Variants in THSD4 observed in about 807,000 individuals in gnomAD.
THSD4 encodes the protein thrombospondin type-1 domain-containing protein 4.
THSD4 carries 69 observed loss-of-function variants against 119.0 expected under a neutral mutation model. The ratio of observed to expected loss-of-function variants is 0.58; its 90% CI spans 0.48 to 0.71. THSD4 has a LOEUF of 0.71. Ranked by LOEUF, THSD4 falls within the 30% of genes least tolerant of loss-of-function variation. The pLI is 0.00. For missense variants in THSD4, 1,393 were observed against 1,391.1 expected, an observed-to-expected ratio of 1.00 and a Z score of -0.02; for synonymous variants, 524 against 540.4, an observed-to-expected ratio of 0.97 and a Z score of 0.42.
At chr15:71,168,616 G>A (rs2043319179) in intron 3 of THSD4, among the ~76,000 whole-genome samples, 1 of 152,108 alleles carries the variant, frequency 6.6e-6, no homozygotes, top group Admixed American at 6.5e-5. Flanking sequence ...GTAAGGGTGA[G>A]GTAAAATATT....
chr15:71,366,383 G>A (rs1404567686), intron 6 of THSD4, among the ~76,000 whole-genome samples: 1 of 152,092 alleles, frequency 6.6e-6, no homozygotes, highest in African/African-American at 2.4e-5. Context: ...TACTCTGCTG[G>A]GTATAGGGAG....
chr15:71,354,084 C>T lies in THSD4; in HGVS notation c.1016-57603C>T, dbSNP rs534534287. 7.9e-5 allele frequency among the ~76,000 whole-genome samples: 12 copies of T among 152,242 alleles called. No individual in the cohort carries two copies. The South Asian group carries it at 2.5e-3, about 32-fold the overall frequency. ...GGCCGGGGTGGGAGGATTGCTTGAGCCCAAGAGTTCCAGACCAGCCTAGGC... is the reference window on the plus strand; with the variant it reads ...GGCCGGGGTGGGAGGATTGCTTGAGTCCAAGAGTTCCAGACCAGCCTAGGC... On this transcript the variant is annotated intron_variant, in intron 6 of 17. Transcript: ENST00000261862.
At chr15:71,322,708 G>C (rs1046280221) in intron 6 of THSD4, among the ~76,000 whole-genome samples, 11 of 152,138 alleles carry the variant, frequency 7.2e-5, no homozygotes, top group African/African-American at 2.4e-4. Context: ...GCTGTGGGCA[G>C]GAGGCCTTAG....
chr15:71,203,625 T>C lies in THSD4; in HGVS notation c.100-11410T>C, dbSNP rs186504079. Reference sequence around the variant, plus strand: ...AGGTTGCAGTGAGCCGAGATTGTGCTACAGTGCTCCAGCCTGGGCGACAGA... The same window carrying C: ...AGGTTGCAGTGAGCCGAGATTGTGCCACAGTGCTCCAGCCTGGGCGACAGA... On this transcript the variant is annotated intron_variant, in intron 3 of 17. Coordinates refer to ENST00000261862, the MANE Select transcript of THSD4 (RefSeq NM_024817.3). Among the ~76,000 whole-genome samples, 19 of 152,266 alleles carry C rather than the reference T, an allele frequency of 1.2e-4. No homozygotes were observed. The East Asian group carries it at 2.7e-3, about 22-fold the overall frequency.
At chr15:71,333,977 G>T (rs1318656801) in intron 6 of THSD4, among the ~76,000 whole-genome samples, 1 of 152,168 alleles carries the variant, frequency 6.6e-6, no homozygotes, top group Non-Finnish European at 1.5e-5. Context: ...GGAATTCAGA[G>T]ATGAGTAAGA....
Position 71,218,756 on chromosome 15 carries a change from A to G in THSD4, c.464+3357A>G, listed in dbSNP as rs114547921. Reference sequence around the variant, plus strand: ...TATTTTCAGGATGGCTGTCCGCTCCACTCTCTGTTTCAGGTTTGAAGTTTG... The same window carrying G: ...TATTTTCAGGATGGCTGTCCGCTCCGCTCTCTGTTTCAGGTTTGAAGTTTG... On this transcript the variant is annotated intron_variant, in intron 4 of 17. Coordinates refer to ENST00000261862, the MANE Select transcript of THSD4 (RefSeq NM_024817.3). Among the ~76,000 whole-genome samples the G allele has an allele frequency of 8.6e-3, 1,305 of 152,240 alleles. 27 individuals are homozygous for G. Among genetic ancestry groups the G allele is most frequent in the African/African-American group, 0.028 (1,182 of 41,534 alleles).
At chr15:71,376,311 T>G (rs1293910876) in intron 6 of THSD4, among the ~76,000 whole-genome samples, 1 of 152,156 alleles carries the variant, frequency 6.6e-6, no homozygotes, top group Non-Finnish European at 1.5e-5. Flanking sequence ...TGCTCTGAAT[T>G]TTTAGGACCC....
chr15:71,601,434 G>T (rs2050009626), intron 7 of THSD4, among the ~76,000 whole-genome samples: 1 of 152,164 alleles, frequency 6.6e-6, no homozygotes. Context: ...AAGACAAGGG[G>T]GCAGAAAACT....
intron 6 of THSD4, among the ~76,000 whole-genome samples, chr15:71,296,009 C>A (rs2044857674): frequency 6.6e-6 from 1 of 152,166 alleles, no homozygotes; most frequent in Non-Finnish European, 1.5e-5. Context: ...CTTTCTATTG[C>A]TCAATAATAT....
chr15:71,354,733 A>T (rs1445678988), intron 6 of THSD4, among the ~76,000 whole-genome samples: 1 of 152,178 alleles, frequency 6.6e-6, no homozygotes, highest in African/African-American at 2.4e-5. Context: ...ATGCCACATG[A>T]CCTCTTCAGG....
intron 6 of THSD4, among the ~76,000 whole-genome samples, chr15:71,366,539 C>T (rs1186574741): frequency 6.6e-6 from 1 of 152,142 alleles, no homozygotes; most frequent in Non-Finnish European, 1.5e-5. Flanking sequence ...AACTATATTT[C>T]CCATGACAAC....
chr15:71,600,607 G>A (rs1280210938), intron 7 of THSD4, among the ~76,000 whole-genome samples: 1 of 152,184 alleles, frequency 6.6e-6, no homozygotes, highest in African/African-American at 2.4e-5. Flanking sequence ...CAGTGATGAT[G>A]ATGACAATGA....
intron 11 of THSD4, among the ~76,000 whole-genome samples, chr15:71,740,532 G>A (rs1405680514): frequency 6.6e-6 from 1 of 152,156 alleles, no homozygotes; most frequent in East Asian, 1.9e-4. Flanking sequence ...CATAGGCCTT[G>A]TGTTGTGAGC....
At chr15:71,547,179 C>T in intron 7 of THSD4, 2 of 1,315,068 alleles carry the variant, frequency 1.5e-6, no homozygotes. Flanking sequence ...GGCTCCTGTC[C>T]CCTCCCCCAG....
intron 6 of THSD4, among the ~76,000 whole-genome samples, chr15:71,344,140 G>A (rs1431815543): frequency 2.7e-5 from 4 of 150,204 alleles, no homozygotes; most frequent in African/African-American, 7.4e-5. Flanking sequence ...CCAGGTTCAC[G>A]CCATTCTCCT....
chr15:71,144,354 T>C (rs540415234), intron 2 of THSD4, among the ~76,000 whole-genome samples: 1 of 152,234 alleles, frequency 6.6e-6, no homozygotes, highest in South Asian at 2.1e-4. Flanking sequence ...CAGAATGTTA[T>C]GGGGAAAAGG....
At chr15:71,289,632 G>GATTATTAT (rs2044764733) in intron 6 of THSD4, among the ~76,000 whole-genome samples, 1 of 152,108 alleles carries the variant, frequency 6.6e-6, no homozygotes, top group African/African-American at 2.4e-5. Context: ...TTTGTAATTC[G>GATTATTAT]ATTATTATAA....
intron 7 of THSD4, among the ~76,000 whole-genome samples, chr15:71,453,373 C>T (rs575593205): frequency 2.0e-5 from 3 of 152,304 alleles, no homozygotes; most frequent in Admixed American, 2.0e-4. Context: ...TGCTGTCAGA[C>T]CCTTCTGTCT....
At chr15:71,612,321 G>A (rs905960365) in intron 7 of THSD4, among the ~76,000 whole-genome samples, 4 of 152,198 alleles carry the variant, frequency 2.6e-5, no homozygotes, top group Non-Finnish European at 4.4e-5. Context: ...ATCACCCCCC[G>A]GTGGGATTGA....
Sources: gnomAD v4.1 joint callset for allele counts (sites outside exome capture counted in the v4.1 genomes callset) on GRCh38, gnomAD v4.1.1 for gene constraint, MANE v1.5 for transcripts, NCBI Gene and HGNC (gene_info 2026-07-23, HGNC 2026-07-21) for gene names.